The following ECPAS variants were observed in gnomAD, a reference collection of about 807,000 sequenced individuals.
ECPAS encodes the protein Ecm29 proteasome adaptor and scaffold, also known as proteasome adapter and scaffold protein ECM29.
Under a neutral mutation model 255.1 loss-of-function variants are expected in ECPAS, and 70 were observed. That is an observed-to-expected ratio of 0.27 (90% CI 0.23 to 0.33). ECPAS has a LOEUF of 0.33. Among genes scored for constraint, ECPAS ranks in the 10% least tolerant of loss-of-function variants. The pLI is 1.00. For synonymous variants in ECPAS, 784 were observed against 775.0 expected, an observed-to-expected ratio of 1.01 and a Z score of -0.19; for missense variants, 1,817 against 2,206.4, an observed-to-expected ratio of 0.82 and a Z score of 3.54.
chr9:111,397,133 C>T lies in ECPAS; in HGVS notation c.2673G>A (p.Gln891=). The change falls in exon 25 of 50, where the codon CAG becomes CAA. Residue 891 remains glutamine (Q), a synonymous_variant. Coordinates refer to ENST00000684092, the MANE Select transcript of ECPAS (RefSeq NM_001364929.1). ...DSVEAKQIEL[Q]FTIGEAITSA... ...TGGTAATGGCTTCGCCAATAGTGAA[C>T]TGAAGTTCTATCTGCTTGGCCTGCA... 1 of 1,613,884 alleles carries T rather than the reference C, an allele frequency of 6.2e-7. No individual in the cohort carries two copies. The highest frequency in any genetic ancestry group is 8.5e-7 in the Non-Finnish European group (1 of 1,179,806).
At chr9:111,439,775 G>A (rs920853774) in intron 6 of ECPAS, among the ~76,000 whole-genome samples, 18 of 152,174 alleles carry the variant, frequency 1.2e-4, no homozygotes, top group South Asian at 6.2e-4. Flanking sequence ...TTTGCAAATC[G>A]GGAAAAGCAT....
At chr9:111,478,764 A>G (rs1444812143) in intron 1 of ECPAS, among the ~76,000 whole-genome samples, 1 of 152,158 alleles carries the variant, frequency 6.6e-6, no homozygotes, top group Non-Finnish European at 1.5e-5. Flanking sequence ...ATCACATATG[A>G]TATTACTTTA....
At chr9:111,396,363 C>T (rs1186539786) in intron 25 of ECPAS, among the ~76,000 whole-genome samples, 1 of 152,186 alleles carries the variant, frequency 6.6e-6, no homozygotes, top group Non-Finnish European at 1.5e-5. Context: ...TAGCAGAAGG[C>T]ACTGAGGCTT....
chr9:111,364,452 G>T (rs1408631945), intron 48 of ECPAS, among the ~76,000 whole-genome samples: 1 of 152,152 alleles, frequency 6.6e-6, no homozygotes, highest in African/African-American at 2.4e-5. Context: ...ATGAATCAAT[G>T]CCAGTAACAG....
At chr9:111,465,780 TC>T in intron 2 of ECPAS, among the ~76,000 whole-genome samples, 1 of 152,190 alleles carries the variant, frequency 6.6e-6, no homozygotes, top group Admixed American at 6.5e-5. Flanking sequence ...ACTCCTGTAA[TC>T]CCAGCACTCT....
At chr9:111,370,994 T>G (rs969318695) in intron 43 of ECPAS, among the ~76,000 whole-genome samples, 7 of 152,216 alleles carry the variant, frequency 4.6e-5, no homozygotes, top group Non-Finnish European at 1.0e-4. Flanking sequence ...CCTAAAGAAC[T>G]GATTCGACCC....
intron 25 of ECPAS, 97 bp downstream of exon 25, chr9:111,396,933 T>C: frequency 2.1e-6 from 3 of 1,426,988 alleles, no homozygotes; most frequent in Non-Finnish European, 2.9e-6. Flanking sequence ...TTGAAAACAG[T>C]AATATGGAAT....
intron 16 of ECPAS, among the ~76,000 whole-genome samples, 163 bp downstream of exon 16, chr9:111,419,854 A>G (rs1023215905): frequency 2.7e-5 from 4 of 150,748 alleles, no homozygotes; most frequent in Non-Finnish European, 4.4e-5. Flanking sequence ...ATATAAATAT[A>G]TAGGTATATG....
intron 49 of ECPAS, 49 bp downstream of exon 49, chr9:111,363,539 T>C (rs751870845): frequency 6.2e-6 from 7 of 1,125,610 alleles, no homozygotes; most frequent in Admixed American, 1.9e-5. Flanking sequence ...TTCTAAAACA[T>C]ATGCCACATG....
In ECPAS at chr9:111,405,517, A is replaced by G. The variant is rs1254501931; in HGVS notation, c.2652+3054T>C. Reference sequence around the variant, plus strand: ...AGATTTCTCAAGATCATAAAAGCACAGACAACTAAAGCAAAAATTGACAAA... The same window carrying G: ...AGATTTCTCAAGATCATAAAAGCACGGACAACTAAAGCAAAAATTGACAAA... On this transcript the variant is annotated intron_variant, in intron 24 of 49. Transcript: ENST00000684092. 2.7e-5 allele frequency among the ~76,000 whole-genome samples: 4 copies of G among 149,872 alleles called. 1 individual carries two copies. The highest frequency in any genetic ancestry group is 5.1e-5 in the African/African-American group (2 of 39,574).
At chr9:111,405,478 A>T (rs1328488059) in intron 24 of ECPAS, among the ~76,000 whole-genome samples, 7 of 149,840 alleles carry the variant, frequency 4.7e-5, no homozygotes, top group African/African-American at 1.0e-4. Flanking sequence ...ACTTCAGGAT[A>T]CTGGTCTGGG....
In ECPAS at chr9:111,416,351, G is replaced by A. The variant is rs772740300; in HGVS notation, c.1685C>T (p.Ala562Val). The A allele has an allele frequency of 6.2e-7, 1 of 1,612,666 alleles. No individual in the cohort carries two copies. The highest frequency in any genetic ancestry group is 2.2e-5 in the East Asian group (1 of 44,846). Residue 562 changes from alanine (A) to valine (V), a missense_variant and splice_region_variant, in exon 18 of 50, where the codon GCT (alanine) becomes GTT (valine). Ala to Val is a moderately conservative substitution (Grantham distance 64). This residue lies in a region of ECPAS where 573 missense variants were observed against 716.2 expected (regional missense o/e 0.80). Transcript: ENST00000684092. ...PEMVYYIQEK[A>V]SHRMKTPVKY... ...GACTGGAGTTTTCATTCGATGAGAA[G>A]CCTAAGTTTAAAAAGTCCAAAACAG...
At chr9:111,476,574 ATTTTTT>A (rs58723893) in intron 1 of ECPAS, among the ~76,000 whole-genome samples, 2 of 105,944 alleles carry the variant, frequency 1.9e-5, no homozygotes, top group Non-Finnish European at 3.7e-5. Context: ...TAACATCAGA[ATTTTTT>A]TTTTTTTTTT....
chr9:111,415,182 A>C (rs973290700), intron 18 of ECPAS, among the ~76,000 whole-genome samples: 18 of 152,148 alleles, frequency 1.2e-4, no homozygotes, highest in Non-Finnish European at 2.4e-4. Context: ...CTCGAACCTA[A>C]AATAAAAGTT....
intron 1 of ECPAS, among the ~76,000 whole-genome samples, chr9:111,475,269 G>T (rs932586085): frequency 6.6e-6 from 1 of 152,136 alleles, no homozygotes; most frequent in Non-Finnish European, 1.5e-5. Context: ...AAGCATCAAG[G>T]CCAGGTCTGA....
chr9:111,441,021 G>A (rs191370784), intron 5 of ECPAS, among the ~76,000 whole-genome samples: 49 of 151,830 alleles, frequency 3.2e-4, no homozygotes, highest in Admixed American at 2.6e-3. Context: ...GCGCGGTGGC[G>A]GGCACCTGTA....
chr9:111,417,617 G>C (rs2098206027), intron 17 of ECPAS, among the ~76,000 whole-genome samples: 1 of 152,058 alleles, frequency 6.6e-6, no homozygotes, highest in Admixed American at 6.5e-5. Context: ...CTTGGTGGCA[G>C]GCGCCTATAA....
chr9:111,450,645 T>C (rs1002027256), intron 3 of ECPAS, among the ~76,000 whole-genome samples: 2 of 152,182 alleles, frequency 1.3e-5, no homozygotes, highest in African/African-American at 2.4e-5. Flanking sequence ...ATGAAAATAC[T>C]GGCCAGGCAC....
chr9:111,410,291 G>GC, intron 22 of ECPAS, 78 bp from the exon 23 acceptor site: 1 of 1,263,556 alleles, frequency 7.9e-7, no homozygotes, highest in Middle Eastern at 1.9e-4. Context: ...TGTACTCAAG[G>GC]TTTTTTTTAA....
Sources: gnomAD v4.1 joint callset for allele counts (sites outside exome capture counted in the v4.1 genomes callset) on GRCh38, gnomAD v4.1.1 for gene constraint, gnomAD v4.1.1 regional missense constraint, MANE v1.5 for transcripts, NCBI Gene and HGNC (gene_info 2026-07-23, HGNC 2026-07-21) for gene names.